EXOC6B: variants seen among roughly 807,000 people sequenced by gnomAD.
EXOC6B encodes exocyst complex component 6B.
Under a neutral mutation model 113.5 loss-of-function variants are expected in EXOC6B, and 54 were observed. That is an observed-to-expected ratio of 0.48 (90% CI 0.38 to 0.60). The LOEUF (loss-of-function observed/expected upper bound fraction) is 0.60, where lower values mean the gene tolerates loss of function less well. Ranked by LOEUF, EXOC6B falls within the 20% of genes least tolerant of loss-of-function variation. The pLI is 0.00. For missense variants in EXOC6B, 797 were observed against 977.5 expected (o/e 0.82, Z 2.46); for synonymous variants, 357 against 339.0 (o/e 1.05, Z -0.58).
At chr2:72,498,352 A>G (rs943969091) in intron 13 of EXOC6B, 102 bp downstream of exon 13, 5 of 700,818 alleles carry the variant, frequency 7.1e-6, no homozygotes, top group South Asian at 2.0e-5. Context: ...TAAGTAACAT[A>G]TACTTGTTGC....
intron 6 of EXOC6B, among the ~76,000 whole-genome samples, chr2:72,581,913 C>G (rs1212634910): frequency 1.3e-5 from 2 of 152,196 alleles, no homozygotes; most frequent in Non-Finnish European, 2.9e-5. Flanking sequence ...CCAGGGTGCA[C>G]TCCACAGATC....
intron 7 of EXOC6B, 81 bp from the exon 8 acceptor site, chr2:72,559,602 T>C: frequency 8.5e-7 from 1 of 1,172,120 alleles, no homozygotes; most frequent in African/African-American, 1.6e-5. Context: ...CTCAAGTGTT[T>C]GGTTCTTTTT....
At chr2:72,248,799 C>T (rs1158695146) in intron 20 of EXOC6B, among the ~76,000 whole-genome samples, 1 of 151,842 alleles carries the variant, frequency 6.6e-6, no homozygotes, top group Admixed American at 6.6e-5. Context: ...CAATATAAGA[C>T]AAAACAGAAA....
intron 19 of EXOC6B, 60 bp from the exon 20 acceptor site, chr2:72,335,080 C>T: frequency 6.8e-7 from 1 of 1,465,248 alleles, no homozygotes; most frequent in Non-Finnish European, 9.6e-7. Context: ...GGGAGATTGG[C>T]AGACGGATGA....
intron 18 of EXOC6B, among the ~76,000 whole-genome samples, chr2:72,400,909 C>A (rs1693101711): frequency 6.6e-6 from 1 of 151,752 alleles, no homozygotes; most frequent in Admixed American, 6.6e-5. Flanking sequence ...TAAAAAAGAA[C>A]TAAAATTTGA....
chr2:72,273,383 A>G (rs1224719211), intron 20 of EXOC6B, among the ~76,000 whole-genome samples: 1 of 152,166 alleles, frequency 6.6e-6, no homozygotes, highest in Non-Finnish European at 1.5e-5. Context: ...AGGATATAAA[A>G]ACGAGTAAGA....
At chr2:72,490,387 G>A (rs1354548825) in intron 16 of EXOC6B, among the ~76,000 whole-genome samples, 1 of 152,106 alleles carries the variant, frequency 6.6e-6, no homozygotes, top group Non-Finnish European at 1.5e-5. Flanking sequence ...ATTTGTGAGT[G>A]AGCTTTGAAG....
chr2:72,582,427 G>A (rs573813678), intron 6 of EXOC6B, among the ~76,000 whole-genome samples: 38 of 152,090 alleles, frequency 2.5e-4, no homozygotes, highest in Non-Finnish European at 4.7e-4. Context: ...TGGGGTGGGA[G>A]GATCACTTAA....
At chr2:72,573,147 T>C (rs1448335316) in intron 7 of EXOC6B, among the ~76,000 whole-genome samples, 3 of 152,196 alleles carry the variant, frequency 2.0e-5, no homozygotes, top group African/African-American at 7.2e-5. Context: ...AGGTCAATGA[T>C]AAAGAATGGT....
intron 8 of EXOC6B, among the ~76,000 whole-genome samples, chr2:72,533,140 G>A (rs1702102728): frequency 6.6e-6 from 1 of 152,120 alleles, no homozygotes; most frequent in South Asian, 2.1e-4. Flanking sequence ...GCCTGATCCT[G>A]GAACAAACTG....
chr2:72,558,319 G>C (rs1186312187), intron 8 of EXOC6B, among the ~76,000 whole-genome samples: 1 of 151,992 alleles, frequency 6.6e-6, no homozygotes, highest in African/African-American at 2.4e-5. Flanking sequence ...AAGAAAAGAG[G>C]AAGATGAAGA....
intron 20 of EXOC6B, among the ~76,000 whole-genome samples, chr2:72,220,400 G>T (rs544059216): frequency 6.6e-6 from 1 of 152,200 alleles, no homozygotes; most frequent in Admixed American, 6.5e-5. Flanking sequence ...GCCTCCTCAT[G>T]CCCCCTGGGG....
At chr2:72,360,838 G>A (rs1212917234) in intron 19 of EXOC6B, among the ~76,000 whole-genome samples, 1 of 150,292 alleles carries the variant, frequency 6.7e-6, no homozygotes, top group Admixed American at 6.6e-5. Flanking sequence ...TGGAACCTCA[G>A]GAGAATGGCG....
intron 8 of EXOC6B, among the ~76,000 whole-genome samples, chr2:72,551,152 T>C (rs925712599): frequency 3.3e-5 from 5 of 152,156 alleles, no homozygotes; most frequent in Non-Finnish European, 7.3e-5. Flanking sequence ...TTAAATTATT[T>C]CAATACTCAT....
At chr2:72,416,291 G>A (rs1242804830) in intron 18 of EXOC6B, among the ~76,000 whole-genome samples, 1 of 152,210 alleles carries the variant, frequency 6.6e-6, no homozygotes, top group Non-Finnish European at 1.5e-5. Flanking sequence ...GCTCCTCAGA[G>A]GAGATAACCC....
chr2:72,636,944 A>G (rs1672881660), intron 6 of EXOC6B, among the ~76,000 whole-genome samples: 1 of 152,120 alleles, frequency 6.6e-6, no homozygotes, highest in Admixed American at 6.5e-5. Context: ...AAAAACTACT[A>G]GAACGAATAA....
chr2:72,684,091 C>A (rs1359036601), intron 6 of EXOC6B, among the ~76,000 whole-genome samples: 1 of 152,126 alleles, frequency 6.6e-6, no homozygotes, highest in Non-Finnish European at 1.5e-5. Context: ...ATCAGCACAC[C>A]CAGCTAATTT....
At position 72,718,891 on chromosome 2, in the gene EXOC6B, C is replaced by CA. The variant is rs944574266; in HGVS notation, c.465-585dup. 1.7e-4 allele frequency among the ~76,000 whole-genome samples: 25 copies of CA among 150,654 alleles called. No individual in the cohort carries two copies. The East Asian group carries it at 4.3e-3, about 26-fold the overall frequency. On this transcript the variant is annotated intron_variant, in intron 5 of 21. Transcript: ENST00000272427. ...AAATAAAGAATGATTGTCTCAATGC[C>CA]AAAAAAAAATTCATCCTATAAAATG...
intron 18 of EXOC6B, among the ~76,000 whole-genome samples, chr2:72,420,257 C>T (rs985240191): frequency 6.6e-6 from 1 of 151,492 alleles, no homozygotes; most frequent in African/African-American, 2.4e-5. Flanking sequence ...TATTATTATA[C>T]TTTAAGTTCT....
Sources: gnomAD v4.1 joint callset for allele counts (sites outside exome capture counted in the v4.1 genomes callset) on GRCh38, gnomAD v4.1.1 for gene constraint, MANE v1.5 for transcripts, NCBI Gene and HGNC (gene_info 2026-07-23, HGNC 2026-07-21) for gene names.